The following GRID1 variants were observed in gnomAD, a reference collection of about 807,000 sequenced individuals.
GRID1 encodes the protein glutamate ionotropic receptor delta type subunit 1.
In GRID1, 28 loss-of-function variants were observed where a neutral mutation model predicts 98.0. That is an observed-to-expected ratio of 0.29 (90% CI 0.21 to 0.39). The LOEUF is 0.39. GRID1 is among the 10% of genes least tolerant of loss of function. GRID1 has a pLI of 1.00. For synonymous variants in GRID1, 553 were observed against 538.5 expected (o/e 1.03, Z -0.37); for missense variants, 1,111 against 1,340.5 (o/e 0.83, Z 2.67).
intron 12 of GRID1, among the ~76,000 whole-genome samples, chr10:85,680,460 T>C (rs1765745805): frequency 6.6e-6 from 1 of 152,218 alleles, no homozygotes; most frequent in Non-Finnish European, 1.5e-5. Context: ...TAGAAATCCC[T>C]GACCTAAAAA....
intron 2 of GRID1, among the ~76,000 whole-genome samples, chr10:86,277,121 A>G (rs1412709267): frequency 6.6e-6 from 1 of 152,232 alleles, no homozygotes; most frequent in Non-Finnish European, 1.5e-5. Flanking sequence ...GAAGATTAAA[A>G]TGTTCTCAAG....
At chr10:85,643,357 C>A (rs1427139216) in intron 13 of GRID1, among the ~76,000 whole-genome samples, 2 of 152,148 alleles carry the variant, frequency 1.3e-5, no homozygotes, top group South Asian at 2.1e-4. Flanking sequence ...GCCCATAATA[C>A]CCTACTTGCT....
chr10:85,861,949 C>G (rs372007070), intron 6 of GRID1, among the ~76,000 whole-genome samples: 7 of 152,210 alleles, frequency 4.6e-5, no homozygotes, highest in Non-Finnish European at 8.8e-5. Context: ...TGTCTCCAGC[C>G]TCAGATCCTC....
intron 4 of GRID1, among the ~76,000 whole-genome samples, chr10:86,098,508 T>C (rs916327751): frequency 6.6e-6 from 1 of 152,250 alleles, no homozygotes; most frequent in African/African-American, 2.4e-5. Flanking sequence ...AACAACTTCA[T>C]GCAGAAAGCT....
At chr10:86,050,143 T>A (rs755179912) in intron 4 of GRID1, among the ~76,000 whole-genome samples, 1 of 152,088 alleles carries the variant, frequency 6.6e-6, no homozygotes, top group Non-Finnish European at 1.5e-5. Flanking sequence ...GTCAATACAC[T>A]TAAGAGGGGT....
intron 4 of GRID1, among the ~76,000 whole-genome samples, chr10:86,075,250 T>C (rs976695172): frequency 1.4e-5 from 2 of 144,042 alleles, no homozygotes; most frequent in Admixed American, 7.0e-5. Flanking sequence ...GGAAATAGGG[T>C]TTTTACAGAG....
At chr10:85,988,662 C>T (rs1157118954) in intron 4 of GRID1, among the ~76,000 whole-genome samples, 3 of 152,168 alleles carry the variant, frequency 2.0e-5, no homozygotes, top group Admixed American at 6.5e-5. Flanking sequence ...TTTCTGTCCC[C>T]GGGGTGGCTG....
chr10:86,020,364 C>T lies in GRID1; in HGVS notation c.727-104125G>A, dbSNP rs116444283. On this transcript the variant is annotated intron_variant, in intron 4 of 15. Coordinates refer to ENST00000327946, the MANE Select transcript of GRID1 (RefSeq NM_017551.3). ...TGACAGGATGGTTCCTGGCGCTGACCGACTGAGCCATCCATGCTGGATGTG... is the reference window on the plus strand; with the variant it reads ...TGACAGGATGGTTCCTGGCGCTGACTGACTGAGCCATCCATGCTGGATGTG... Among the ~76,000 whole-genome samples, 1,369 of 152,290 alleles carry T rather than the reference C, an allele frequency of 9.0e-3. 22 individuals are homozygous for T. The highest frequency in any genetic ancestry group is 0.031 in the African/African-American group (1,276 of 41,560).
At chr10:85,735,871 GAGA>G (rs1475854393) in intron 8 of GRID1, among the ~76,000 whole-genome samples, 1 of 143,294 alleles carries the variant, frequency 7.0e-6, no homozygotes, top group Non-Finnish European at 1.5e-5. Flanking sequence ...GAAGGAAGGA[GAGA>G]AGGATGGAGG....
rs750193094 is a variant in GRID1, at chr10:85,724,358, G to T, written c.1852C>A (p.Gln618Lys). Residue 618 changes from glutamine to lysine, a missense_variant, in exon 11 of 16, where the codon CAG becomes AAG. Coordinates refer to ENST00000327946, the MANE Select transcript of GRID1 (RefSeq NM_017551.3). ...AIWIVYGAFV[Q>K]QGGESSVNSM... ...CAGGAAACCAGAAAGGTACCTTGCT[G>T]TACGAAGGCTCCATAGACAATCCAG... is the stretch of plus-strand genomic sequence containing the variant. 1 of 1,612,108 alleles carries T rather than the reference G, an allele frequency of 6.2e-7. No individual in the cohort carries two copies. The highest frequency in any genetic ancestry group is 8.5e-7 in the Non-Finnish European group (1 of 1,178,326).
intron 4 of GRID1, among the ~76,000 whole-genome samples, chr10:86,022,776 G>A (rs1843066604): frequency 1.3e-5 from 2 of 151,996 alleles, no homozygotes; most frequent in South Asian, 4.2e-4. Context: ...AAATTAGCCA[G>A]GCATGGTGGC....
At chr10:85,976,486 G>A (rs1416404774) in intron 4 of GRID1, among the ~76,000 whole-genome samples, 1 of 152,248 alleles carries the variant, frequency 6.6e-6, no homozygotes, top group Non-Finnish European at 1.5e-5. Flanking sequence ...CTTCAGGTGA[G>A]TAGAAGGAAG....
Position 85,883,530 on chromosome 10 carries a change from G to GTC in GRID1, c.781-14352_781-14351dup, listed in dbSNP as rs71016116. Among the ~76,000 whole-genome samples, 319 of 119,420 alleles carry GTC rather than the reference G, an allele frequency of 2.7e-3. 1 individual carries two copies. The highest frequency in any genetic ancestry group is 7.1e-3 in the East Asian group (34 of 4,778). 78.3% of individuals were successfully genotyped at this position (119,420 alleles called of 152,430 possible). On this transcript the variant is annotated intron_variant, in intron 5 of 15. Coordinates refer to ENST00000327946, the MANE Select transcript of GRID1 (RefSeq NM_017551.3). The stretch of plus-strand genomic sequence containing the variant: ...TCTCTGTCTCTCTCTCTCTCTCTCT[G>GTC]TCTCTCTCTCTCTCTCTCCTCTTCC...
chr10:85,906,082 C>A (rs1209590037), intron 5 of GRID1, among the ~76,000 whole-genome samples: 1 of 151,858 alleles, frequency 6.6e-6, no homozygotes, highest in Non-Finnish European at 1.5e-5. Flanking sequence ...TAACACAAGT[C>A]AAAATAAATA....
intron 13 of GRID1, among the ~76,000 whole-genome samples, chr10:85,635,736 C>T (rs1163244669): frequency 6.6e-6 from 1 of 152,066 alleles, no homozygotes; most frequent in Non-Finnish European, 1.5e-5. Context: ...CTGGGATGCA[C>T]TGTGTGGTAA....
At chr10:85,643,892 G>T (rs142664810) in intron 13 of GRID1, among the ~76,000 whole-genome samples, 1 of 152,110 alleles carries the variant, frequency 6.6e-6, no homozygotes, top group Non-Finnish European at 1.5e-5. Context: ...TGTTTGCATC[G>T]TTTGCTACTG....
chr10:85,647,627 C>T (rs1843212717), intron 12 of GRID1: 2 of 500,394 alleles, frequency 4.0e-6, no homozygotes, highest in Non-Finnish European at 7.2e-6. Context: ...AATAAGATGA[C>T]TGGGCACCTA....
At chr10:85,868,380 T>C (rs1245714604) in intron 6 of GRID1, among the ~76,000 whole-genome samples, 1 of 152,154 alleles carries the variant, frequency 6.6e-6, no homozygotes, top group Non-Finnish European at 1.5e-5. Flanking sequence ...TAGCTCTCCA[T>C]CGTATTCCAA....
At chr10:86,171,960 G>C (rs1381140839) in intron 3 of GRID1, among the ~76,000 whole-genome samples, 1 of 151,858 alleles carries the variant, frequency 6.6e-6, no homozygotes, top group Non-Finnish European at 1.5e-5. Flanking sequence ...CCTTAACTCT[G>C]TGATGTGGTT....
Sources: allele counts gnomAD v4.1 joint callset (sites outside exome capture counted in the v4.1 genomes callset), GRCh38; gene constraint gnomAD v4.1.1; transcripts MANE v1.5; gene names NCBI Gene and HGNC (gene_info 2026-07-23, HGNC 2026-07-21).